The following PSMB10 variants were observed in gnomAD, a reference collection of about 807,000 sequenced individuals.
PSMB10 encodes proteasome subunit beta type-10.
In PSMB10, 29 loss-of-function variants were observed where a neutral mutation model predicts 29.8. The observed-to-expected ratio is 0.97, with a 90% CI of 0.73 to 1.33. The LOEUF (loss-of-function observed/expected upper bound fraction) is 1.33, where lower values mean the gene tolerates loss of function less well. Ranked by LOEUF, PSMB10 falls within the 40% of genes most tolerant of loss-of-function variation. The pLI, the probability that PSMB10 is intolerant of heterozygous loss-of-function variation, is 0.00. For missense variants in PSMB10, 327 were observed against 369.2 expected (o/e 0.89, Z 0.94); for synonymous variants, 157 against 164.7 (o/e 0.95, Z 0.36).
chr16:67,936,344 C>T, intron 2 of PSMB10, 32 bp from the exon 3 acceptor site: 4 of 1,611,126 alleles, frequency 2.5e-6, no homozygotes, highest in Non-Finnish European at 3.4e-6. Flanking sequence ...AGCTTCAGTG[C>T]CTGCTCGATA....
At chr16:67,936,657 G>A (rs1309472838) in intron 1 of PSMB10, 37 bp downstream of exon 1, 15 of 1,522,276 alleles carry the variant, frequency 9.9e-6, no homozygotes, top group Non-Finnish European at 1.3e-5. Flanking sequence ...AAGCAGAGGC[G>A]GCTCAGGAGT....
chr16:67,935,746 C>A, intron 4 of PSMB10, 49 bp from the exon 5 acceptor site: 1 of 1,568,828 alleles, frequency 6.4e-7, no homozygotes, highest in Non-Finnish European at 8.7e-7. Flanking sequence ...CTAGGCCCCA[C>A]CTCTCTATGC....
In PSMB10 at chr16:67,934,672, C is replaced by A; in HGVS notation, c.711-1G>T. On this transcript the variant is annotated splice_acceptor_variant, in intron 7 of 7. Coordinates refer to ENST00000358514, the MANE Select transcript of PSMB10 (RefSeq NM_002801.4). LOFTEE classifies it high-confidence loss of function. This position sits in a 1 kb window ranked among gnomAD's most constrained non-coding sequence, Gnocchi z 4.3. ...AGGCACAAAGTGGTAGCGGCCAGAC[C>A]TGGGAGGGAGGAGGGACAGCCTCTG... The A allele has an allele frequency of 6.2e-7, 1 of 1,614,060 alleles. No individual in the cohort carries two copies. Among genetic ancestry groups the A allele is most frequent in the South Asian group, 1.1e-5 (1 of 91,088 alleles).
rs759230200 is a variant in PSMB10 at position 67,934,547 on chromosome 16, T to G, written c.*13A>C. Reference sequence around the variant, plus strand: ...GGGTTTATTCCCCCTTGTTCCAAGCTCTAAGCCTCAGCTTACTCCACCTCC... The same window carrying G: ...GGGTTTATTCCCCCTTGTTCCAAGCGCTAAGCCTCAGCTTACTCCACCTCC... On this transcript the variant is annotated 3_prime_UTR_variant, in exon 8 of 8. Transcript: ENST00000358514. The surrounding 1 kb of genome is among the most constrained non-coding windows in gnomAD (Gnocchi z 4.3). 1.2e-6 allele frequency: 2 copies of G among 1,608,420 alleles called. No individual in the cohort carries two copies. Among genetic ancestry groups the G allele is most frequent in the East Asian group, 4.5e-5 (2 of 44,838 alleles).
At chr16:67,935,223 T>C (rs138846709) in intron 6 of PSMB10, 197 bp downstream of exon 6, 84 of 743,586 alleles carry the variant, frequency 1.1e-4, no homozygotes, top group African/African-American at 1.0e-3. Context: ...CTTCGACTTC[T>C]CCCAGCCGTG....
In PSMB10 at chr16:67,934,669, G is replaced by C. The variant is rs1403949022; in HGVS notation, c.713C>G (p.Ser238Cys). 1 of 1,614,116 alleles carries C rather than the reference G, an allele frequency of 6.2e-7. No homozygotes were observed. The highest frequency in any genetic ancestry group is 1.3e-5 in the African/African-American group (1 of 75,032). ...TCCAGGCACAAAGTGGTAGCGGCCAGACCTGGGAGGGAGGAGGGACAGCCT... is the reference window on the plus strand; with the variant it reads ...TCCAGGCACAAAGTGGTAGCGGCCACACCTGGGAGGGAGGAGGGACAGCCT... ...LSSPTEPVKR[S>C]GRYHFVPGTT... Residue 238 changes from serine to cysteine, a missense_variant and splice_region_variant, in exon 8 of 8, where the codon TCT (serine) becomes TGT (cysteine). Ser to Cys is a moderately radical substitution (Grantham distance 112, BLOSUM62 -1). Transcript: ENST00000358514. The surrounding 1 kb of genome is among the most constrained non-coding windows in gnomAD (Gnocchi z 4.3).
chr16:67,935,102 C>A, intron 6 of PSMB10, 154 bp from the exon 7 acceptor site: 1 of 985,064 alleles, frequency 1.0e-6, no homozygotes, highest in Non-Finnish European at 1.5e-6. Flanking sequence ...TCTGAGGCAA[C>A]ATCACCTGCT....
rs1409405874 is a variant in PSMB10 at position 67,936,505 on chromosome 16, C to G, written c.57-20G>C. On this transcript the variant is annotated intron_variant, in intron 1 of 7. Transcript: ENST00000358514. ...GCATTTCTGGAAACGGAGGAGGGCG[C>G]CCATGTTTCGGCTCTGCTTTCAAGA... 5 of 1,603,252 alleles carry G rather than the reference C, an allele frequency of 3.1e-6. No homozygotes were observed. Among genetic ancestry groups the G allele is most frequent in the Non-Finnish European group, 4.3e-6 (5 of 1,173,566 alleles).
intron 6 of PSMB10, chr16:67,935,162 G>T (rs1047567496): frequency 2.8e-6 from 2 of 708,614 alleles, no homozygotes; most frequent in East Asian, 5.4e-5. Flanking sequence ...ATATAAGTAG[G>T]ACCCTACTGG....
In PSMB10 at chr16:67,934,847, A is replaced by G. The variant is rs925737121; in HGVS notation, c.660T>C (p.Thr220=). 2.5e-6 allele frequency: 4 copies of G among 1,613,876 alleles called. No homozygotes were observed. The highest frequency in any genetic ancestry group is 3.4e-6 in the Non-Finnish European group (4 of 1,180,008). ...TCAGTGTCCGCAGCAGCTTGGCGCC[A>G]GTCTTTGTGATCACACATGCGTCCA... ...GNVDACVITK[T]GAKLLRTLSS... is the part of the protein sequence containing the mutation. Residue 220 remains threonine, a synonymous_variant, in exon 7 of 8, where the codon ACT becomes ACC. Transcript: ENST00000358514. This position sits in a 1 kb window ranked among gnomAD's most constrained non-coding sequence, Gnocchi z 4.3.
At position 67,935,931 on chromosome 16, in the gene PSMB10, C is replaced by T. The variant is rs760140635; in HGVS notation, c.383+32G>A. The T allele has an allele frequency of 5.7e-6, 9 of 1,592,678 alleles. No individual in the cohort carries two copies. The Admixed American group carries it at 6.8e-5, about 12-fold the overall frequency. On this transcript the variant is annotated intron_variant, in intron 4 of 7. Coordinates refer to ENST00000358514, the MANE Select transcript of PSMB10 (RefSeq NM_002801.4). ...AATGGCCCCAACCCCGTAACTACCC[C>T]TGCCGGGGTCCTGTTAGCCCTGCCC... is the stretch of plus-strand genomic sequence containing the variant.
At position 67,934,530 on chromosome 16, in the gene PSMB10, TC is replaced by T. The variant is rs777595857; in HGVS notation, c.*29del. ...GTTTAACTGTATTTTCTGGGTTTAT[TC>T]CCCCTTGTTCCAAGCTCTAAGCCTC... On this transcript the variant is annotated 3_prime_UTR_variant, in exon 8 of 8. Transcript: ENST00000358514. The surrounding 1 kb of genome is among the most constrained non-coding windows in gnomAD (Gnocchi z 4.3). 1.9e-6 allele frequency: 3 copies of T among 1,586,278 alleles called. No individual in the cohort carries two copies. The highest frequency in any genetic ancestry group is 1.7e-6 in the Non-Finnish European group (2 of 1,155,044).
chr16:67,934,515 A>G lies in PSMB10; in HGVS notation c.*45T>C, dbSNP rs2058254829. The G allele has an allele frequency of 2.6e-6, 4 of 1,552,460 alleles. No homozygotes were observed. Among genetic ancestry groups the G allele is most frequent in the Non-Finnish European group, 3.6e-6 (4 of 1,124,618 alleles). On this transcript the variant is annotated 3_prime_UTR_variant, in exon 8 of 8. Coordinates refer to ENST00000358514, the MANE Select transcript of PSMB10 (RefSeq NM_002801.4). The surrounding 1 kb of genome is among the most constrained non-coding windows in gnomAD (Gnocchi z 4.3). ...ATGACACAGCCATCTGTTTAACTGT[A>G]TTTTCTGGGTTTATTCCCCCTTGTT...
chr16:67,935,753 A>C, intron 4 of PSMB10, 56 bp from the exon 5 acceptor site: 1 of 1,571,188 alleles, frequency 6.4e-7, no homozygotes, highest in Non-Finnish European at 8.7e-7. Flanking sequence ...CCACCTCTCT[A>C]TGCCCAGCTC....
chr16:67,936,320 G>C lies in PSMB10; in HGVS notation c.145-8C>G, dbSNP rs760920767. 6.2e-7 allele frequency: 1 copy of C among 1,612,758 alleles called. No individual in the cohort carries two copies. The highest frequency in any genetic ancestry group is 8.5e-7 in the Non-Finnish European group (1 of 1,179,194). Reference sequence around the variant, plus strand: ...GCCCAGAATGACCCCGTCCTGAGGAGAGGGAGGGACCGCAGCTTCAGTGCC... The same window carrying C: ...GCCCAGAATGACCCCGTCCTGAGGACAGGGAGGGACCGCAGCTTCAGTGCC... On this transcript the variant is annotated splice_region_variant and splice_polypyrimidine_tract_variant and intron_variant, in intron 2 of 7. Coordinates refer to ENST00000358514, the MANE Select transcript of PSMB10 (RefSeq NM_002801.4).
chr16:67,936,182 T>C (rs2151318520), intron 3 of PSMB10, 33 bp downstream of exon 3: 2 of 1,612,198 alleles, frequency 1.2e-6, no homozygotes, highest in Middle Eastern at 1.7e-4. Context: ...GCCGTTCTTT[T>C]TTGCGTACGG....
At position 67,936,436 on chromosome 16, in the gene PSMB10, G is replaced by A. The variant is rs1461521363; in HGVS notation, c.106C>T (p.Arg36Cys). 3 of 1,613,594 alleles carry A rather than the reference G, an allele frequency of 1.9e-6. No homozygotes were observed. The highest frequency in any genetic ancestry group is 1.1e-5 in the South Asian group (1 of 91,062). ...VLPGLKVPHA[R>C]KTGTTIAGLV... is the part of the protein sequence containing the mutation. ...CCCGCGATGGTGGTCCCGGTCTTGCGTGCGTGAGGGACCTTGAGCCCCGGG... is the reference window on the plus strand; with the variant it reads ...CCCGCGATGGTGGTCCCGGTCTTGCATGCGTGAGGGACCTTGAGCCCCGGG... The change falls in exon 2 of 8, where the codon CGC (arginine) becomes TGC (cysteine). Residue 36 changes from arginine (R) to cysteine (C), a missense_variant. By Grantham distance (180) the Arg-to-Cys change is radical. Coordinates refer to ENST00000358514, the MANE Select transcript of PSMB10 (RefSeq NM_002801.4).
rs1302406024 is a variant in PSMB10, at chr16:67,935,959, G to A, written c.383+4C>T. 1.2e-6 allele frequency: 2 copies of A among 1,606,318 alleles called. No individual in the cohort carries two copies. The highest frequency in any genetic ancestry group is 1.7e-5 in the Admixed American group (1 of 59,806). On this transcript the variant is annotated splice_donor_region_variant and intron_variant, in intron 4 of 7. Transcript: ENST00000358514. ...CCGGGGTCCTGTTAGCCCTGCCCCC[G>A]CACCTGAAGAGCGTCTGGCGCAGGA...
At chr16:67,936,620 C>T in intron 1 of PSMB10, 74 bp downstream of exon 1, 1 of 1,476,080 alleles carries the variant, frequency 6.8e-7, no homozygotes, top group Non-Finnish European at 9.1e-7. Context: ...CCTCCCCCAC[C>T]CCCAGCCAGG....
Sources: allele counts gnomAD v4.1 joint callset, GRCh38; gene constraint gnomAD v4.1.1; non-coding constraint Gnocchi (gnomAD v3.1); transcripts MANE v1.5; gene names NCBI Gene and HGNC (gene_info 2026-07-23, HGNC 2026-07-21).